GPC6: variants seen among roughly 807,000 people sequenced by gnomAD.
The protein encoded by GPC6 is glypican 6, also known as glypican-6.
In GPC6, 14 loss-of-function variants were observed where a neutral mutation model predicts 55.2. The ratio of observed to expected loss-of-function variants is 0.25; its 90% confidence interval spans 0.17 to 0.40. GPC6 has a LOEUF of 0.40. Ranked by LOEUF, GPC6 falls within the 10% of genes least tolerant of loss-of-function variation. The pLI is 1.00. For missense variants in GPC6, 641 were observed against 708.5 expected, an observed-to-expected ratio of 0.90 and a Z score of 1.08; for synonymous variants, 278 against 259.6, an observed-to-expected ratio of 1.07 and a Z score of -0.68.
chr13:94,241,940 T>G (rs767293829), intron 4 of GPC6, among the ~76,000 whole-genome samples: 22 of 152,232 alleles, frequency 1.4e-4, no homozygotes, highest in Non-Finnish European at 2.9e-4. Flanking sequence ...TTATTATGCT[T>G]TAAGTTTTAG....
chr13:93,630,378 C>T (rs1417344622), intron 2 of GPC6, among the ~76,000 whole-genome samples: 1 of 152,148 alleles, frequency 6.6e-6, no homozygotes, highest in Non-Finnish European at 1.5e-5. Context: ...CTAGTTTCTT[C>T]ATCTGAATAA....
chr13:93,648,828 C>G lies in GPC6; in HGVS notation c.319+103407C>G, dbSNP rs536361488. On this transcript the variant is annotated intron_variant, in intron 2 of 8. Coordinates refer to ENST00000377047, the MANE Select transcript of GPC6 (RefSeq NM_005708.5). ...CTAAAATTAATGTAGTGACATCACC[C>G]ATGTCACGCAAAACTTATTTTTTCT... Among the ~76,000 whole-genome samples, 4 of 152,248 alleles carry G rather than the reference C, an allele frequency of 2.6e-5. No individual in the cohort carries two copies. The South Asian group carries it at 8.3e-4, about 32-fold the overall frequency.
rs990259780 is a variant in GPC6, at chr13:93,565,847, G to A, written c.319+20426G>A. ...TGGGGCAGGAGAATCACTTGAACCC[G>A]GGAGGCGGAGGTTGCAGTGAGCTGA... On this transcript the variant is annotated intron_variant, in intron 2 of 8. Coordinates refer to ENST00000377047, the MANE Select transcript of GPC6 (RefSeq NM_005708.5). Among the ~76,000 whole-genome samples the A allele has an allele frequency of 2.4e-4, 36 of 151,806 alleles. 1 individual carries two copies. The highest frequency in any genetic ancestry group is 5.8e-4 in the East Asian group (3 of 5,158).
chr13:93,257,163 T>C (rs923621825), intron 1 of GPC6, among the ~76,000 whole-genome samples: 4 of 151,856 alleles, frequency 2.6e-5, no homozygotes, highest in African/African-American at 9.7e-5. Flanking sequence ...TTATCAGGCA[T>C]GATGGTACAT....
chr13:93,962,217 A>C (rs182188400), intron 3 of GPC6, among the ~76,000 whole-genome samples: 1 of 152,304 alleles, frequency 6.6e-6, no homozygotes, highest in African/African-American at 2.4e-5. Flanking sequence ...CAGGGCTGAC[A>C]GTCCAACTTC....
chr13:93,221,422 G>C, the GPC6 span, among the ~76,000 whole-genome samples: 1 of 152,146 alleles, frequency 6.6e-6, no homozygotes, highest in Non-Finnish European at 1.5e-5. Flanking sequence ...AAGCCAAACA[G>C]TTCTGGCTTC....
intron 3 of GPC6, among the ~76,000 whole-genome samples, chr13:93,914,390 C>T (rs1256324681): frequency 1.3e-5 from 2 of 152,168 alleles, no homozygotes; most frequent in Non-Finnish European, 2.9e-5. Context: ...CTACAAAGGA[C>T]ATTAACTCAT....
At chr13:94,299,542 A>C (rs1455394626) in intron 5 of GPC6, among the ~76,000 whole-genome samples, 3 of 152,148 alleles carry the variant, frequency 2.0e-5, no homozygotes, top group Non-Finnish European at 4.4e-5. Context: ...CATGGGCTGG[A>C]TTAGTAGTGC....
chr13:93,625,582 C>G (rs371156337), intron 2 of GPC6, among the ~76,000 whole-genome samples: 31 of 152,252 alleles, frequency 2.0e-4, no homozygotes, highest in African/African-American at 6.3e-4. Flanking sequence ...CCCATCCTGT[C>G]CTTGAAGAGA....
At chr13:93,535,370 A>G (rs1472256971) in intron 1 of GPC6, among the ~76,000 whole-genome samples, 2 of 152,252 alleles carry the variant, frequency 1.3e-5, no homozygotes, top group East Asian at 3.9e-4. Context: ...TGAAACAGAA[A>G]GGGATGGAGT....
intron 4 of GPC6, among the ~76,000 whole-genome samples, chr13:94,254,272 C>T (rs919994720): frequency 6.6e-6 from 1 of 152,102 alleles, no homozygotes; most frequent in African/African-American, 2.4e-5. Context: ...TGCAGTGATA[C>T]TTCCAAGTAA....
At chr13:94,322,797 G>A (rs994558182) in intron 6 of GPC6, among the ~76,000 whole-genome samples, 5 of 152,010 alleles carry the variant, frequency 3.3e-5, no homozygotes, top group Non-Finnish European at 7.4e-5. Context: ...ACACGGTGCG[G>A]TTCTGCTGTG....
At position 94,082,030 on chromosome 13, in the gene GPC6, G is replaced by A. The variant is rs558760131; in HGVS notation, c.877+54136G>A. On this transcript the variant is annotated intron_variant, in intron 4 of 8. Coordinates refer to ENST00000377047, the MANE Select transcript of GPC6 (RefSeq NM_005708.5). ...TAATTTTTGTATTTTTAGTAGAGAC[G>A]GGGTTTCACCATATTGGTCAGGCTG... is the stretch of plus-strand genomic sequence containing the variant. Among the ~76,000 whole-genome samples, 8 of 151,792 alleles carry A rather than the reference G, an allele frequency of 5.3e-5. No homozygotes were observed. In the South Asian group the frequency reaches 6.3e-4, roughly 12 times the overall value.
At chr13:93,771,943 T>A (rs4612931) in intron 2 of GPC6, among the ~76,000 whole-genome samples, 2 of 152,124 alleles carry the variant, frequency 1.3e-5, no homozygotes, top group African/African-American at 4.8e-5. Flanking sequence ...AGATTAGCAC[T>A]GTGGTGGGAG....
chr13:94,140,224 A>G (rs1887325543), intron 4 of GPC6, among the ~76,000 whole-genome samples: 1 of 152,194 alleles, frequency 6.6e-6, no homozygotes, highest in Admixed American at 6.5e-5. Context: ...TTTACATAAC[A>G]TAAGATGTAG....
intron 1 of GPC6, among the ~76,000 whole-genome samples, chr13:93,519,815 T>G (rs1004714377): frequency 5.9e-5 from 9 of 152,002 alleles, no homozygotes; most frequent in African/African-American, 2.2e-4. Context: ...CTATATTCTT[T>G]GACTCTGTAT....
chr13:94,020,519 G>C (rs1379368153), intron 3 of GPC6, among the ~76,000 whole-genome samples: 1 of 151,974 alleles, frequency 6.6e-6, no homozygotes, highest in African/African-American at 2.4e-5. Context: ...TGCTAGTTTT[G>C]CTCTTTTCTT....
In GPC6 at chr13:93,527,642, TAGAA is replaced by T. The variant is rs1204228327; in HGVS notation, c.161-17617_161-17614del. ...TATTTAGGTACCTATACACAAATTTTAGAAAGAGACCTCTTGCCCTTTATTAATT... is the reference window on the plus strand; with the variant it reads ...TATTTAGGTACCTATACACAAATTTTAGAGACCTCTTGCCCTTTATTAATT... On this transcript the variant is annotated intron_variant, in intron 1 of 8. Transcript: ENST00000377047. 2.0e-5 allele frequency among the ~76,000 whole-genome samples: 3 copies of T among 152,256 alleles called. No homozygotes were observed. The East Asian group carries it at 5.8e-4, about 29-fold the overall frequency.
chr13:94,285,409 A>G (rs1892501821), intron 4 of GPC6, among the ~76,000 whole-genome samples: 1 of 152,204 alleles, frequency 6.6e-6, no homozygotes, highest in African/African-American at 2.4e-5. Context: ...GAACAGAAAC[A>G]TTGAAATCAC....
Sources: allele counts gnomAD v4.1 joint callset (sites outside exome capture counted in the v4.1 genomes callset), GRCh38; gene constraint gnomAD v4.1.1; transcripts MANE v1.5; gene names NCBI Gene and HGNC (gene_info 2026-07-23, HGNC 2026-07-21).